SCAMP1: variants seen among roughly 807,000 people sequenced by gnomAD.
SCAMP1 encodes secretory carrier-associated membrane protein 1.
SCAMP1 carries 15 observed loss-of-function variants against 41.8 expected under a neutral mutation model. The observed-to-expected ratio is 0.36, with a 90% CI of 0.24 to 0.55. The LOEUF is 0.55. Among genes scored for constraint, SCAMP1 ranks in the 20% least tolerant of loss-of-function variants. The pLI is 0.86. For synonymous variants in SCAMP1, 135 were observed against 136.8 expected (o/e 0.99, Z 0.09); for missense variants, 341 against 412.6 (o/e 0.83, Z 1.50).
At position 78,479,797 on chromosome 5, in the gene SCAMP1, C is replaced by G. The variant is rs561042616; in HGVS notation, c.*4129C>G. ...GTGGCTCACGCCTGTAATCCCAGCA[C>G]TTTGGGAGGCCAAGGTGGGCGGATC... On this transcript the variant is annotated 3_prime_UTR_variant, in exon 9 of 9. Coordinates refer to ENST00000621999, the MANE Select transcript of SCAMP1 (RefSeq NM_004866.6). Among the ~76,000 whole-genome samples the G allele has an allele frequency of 6.6e-6, 1 of 152,154 alleles. No homozygotes were observed. The highest frequency in any genetic ancestry group is 1.5e-5 in the Non-Finnish European group (1 of 68,020).
At chr5:78,422,492 A>G (rs983164682) in intron 6 of SCAMP1, among the ~76,000 whole-genome samples, 1 of 152,140 alleles carries the variant, frequency 6.6e-6, no homozygotes, top group Admixed American at 6.5e-5. Context: ...AATGCTTTAC[A>G]TAGTATATTT....
intron 1 of SCAMP1, among the ~76,000 whole-genome samples, chr5:78,365,698 C>T (rs897860737): frequency 2.6e-5 from 4 of 152,066 alleles, no homozygotes; most frequent in African/African-American, 4.8e-5. Context: ...TTTCACAACA[C>T]GTAGTTCCTC....
rs150371662 is a variant in SCAMP1 at position 78,383,267 on chromosome 5, G to A, written c.58-5570G>A. On this transcript the variant is annotated intron_variant, in intron 1 of 8. Coordinates refer to ENST00000621999, the MANE Select transcript of SCAMP1 (RefSeq NM_004866.6). ...TAATAATTGTCTATTCATGTCCTTA[G>A]CCCACTTTTTGATGGGATTGTTTTT... 5.3e-5 allele frequency among the ~76,000 whole-genome samples: 8 copies of A among 152,036 alleles called. No homozygotes were observed. In the East Asian group the frequency reaches 1.4e-3, roughly 26 times the overall value.
At chr5:78,391,136 T>C (rs1292757256) in intron 2 of SCAMP1, among the ~76,000 whole-genome samples, 151 of 147,506 alleles carry the variant, frequency 1.0e-3, no homozygotes, top group Non-Finnish European at 1.2e-3. Flanking sequence ...ACCGCCATTG[T>C]CATCATGGCC....
Position 78,418,757 on chromosome 5 carries a change from T to TC in SCAMP1, c.344-17dup. On this transcript the variant is annotated splice_polypyrimidine_tract_variant and intron_variant, in intron 4 of 8. Coordinates refer to ENST00000621999, the MANE Select transcript of SCAMP1 (RefSeq NM_004866.6). ...TATAATATAAATAACCTTTTCTTTT[T>TC]CTAAAAAAAATTTACAGGTAGAAAA... 1.4e-6 allele frequency: 2 copies of TC among 1,443,640 alleles called. No homozygotes were observed. The highest frequency in any genetic ancestry group is 1.9e-6 in the Non-Finnish European group (2 of 1,072,948). The allele number at this position is 1,443,640 out of a possible 1,614,324, so 89.4% of individuals were successfully genotyped here. A position where few individuals can be genotyped will look rare whatever the true frequency, so the allele number is the denominator to read the frequency against.
Position 78,480,173 on chromosome 5 carries a change from C to T in SCAMP1, c.*4505C>T, listed in dbSNP as rs1754108322. ...TTTGTCCAAATCCTGATTTATTTTT[C>T]AGTTCATATCTTTCTGGGCTTGACA... On this transcript the variant is annotated 3_prime_UTR_variant, in exon 9 of 9. Coordinates refer to ENST00000621999, the MANE Select transcript of SCAMP1 (RefSeq NM_004866.6). Among the ~76,000 whole-genome samples the T allele has an allele frequency of 6.6e-6, 1 of 152,080 alleles. No individual in the cohort carries two copies. The highest frequency in any genetic ancestry group is 6.5e-5 in the Admixed American group (1 of 15,274).
rs1754114809 is a variant in SCAMP1 at position 78,480,435 on chromosome 5, A to G, written c.*4767A>G. Among the ~76,000 whole-genome samples, 1 of 152,210 alleles carries G rather than the reference A, an allele frequency of 6.6e-6. No individual in the cohort carries two copies. The highest frequency in any genetic ancestry group is 2.1e-4 in the South Asian group (1 of 4,834). ...TTCTAGAATTCCTCCACAACTTTTAATATTTTGTATGCCAGTGATTCTCAA... is the reference window on the plus strand; with the variant it reads ...TTCTAGAATTCCTCCACAACTTTTAGTATTTTGTATGCCAGTGATTCTCAA... On this transcript the variant is annotated 3_prime_UTR_variant, in exon 9 of 9. Coordinates refer to ENST00000621999, the MANE Select transcript of SCAMP1 (RefSeq NM_004866.6).
chr5:78,447,127 A>G (rs1033764753), intron 6 of SCAMP1, among the ~76,000 whole-genome samples: 2 of 152,240 alleles, frequency 1.3e-5, no homozygotes, highest in African/African-American at 4.8e-5. Context: ...ATACCTGATG[A>G]TCTGAGATAG....
intron 8 of SCAMP1, among the ~76,000 whole-genome samples, chr5:78,472,788 A>C (rs1341409015): frequency 1.3e-5 from 2 of 152,170 alleles, no homozygotes; most frequent in Non-Finnish European, 2.9e-5. Flanking sequence ...GCCCATGAAC[A>C]CATAGTATCA....
At chr5:78,387,080 G>A (rs919372883) in intron 1 of SCAMP1, among the ~76,000 whole-genome samples, 13 of 151,936 alleles carry the variant, frequency 8.6e-5, no homozygotes, top group African/African-American at 2.7e-4. Context: ...CTTCTTCCTC[G>A]AGAACAATTA....
chr5:78,404,681 C>T (rs892088846), intron 2 of SCAMP1, among the ~76,000 whole-genome samples: 1 of 152,052 alleles, frequency 6.6e-6, no homozygotes, highest in Non-Finnish European at 1.5e-5. Flanking sequence ...TTGGGTATTT[C>T]CCTTCCCCCA....
intron 2 of SCAMP1, among the ~76,000 whole-genome samples, chr5:78,389,763 G>A (rs1402889949): frequency 6.6e-6 from 1 of 151,356 alleles, no homozygotes; most frequent in Non-Finnish European, 1.5e-5. Flanking sequence ...ACCTAGATTT[G>A]AAAACTGTTG....
chr5:78,394,702 C>A (rs1328560417), intron 2 of SCAMP1, among the ~76,000 whole-genome samples: 4 of 152,068 alleles, frequency 2.6e-5, no homozygotes, highest in Non-Finnish European at 5.9e-5. Context: ...TTTCTCTTTG[C>A]CTTCTGCTTC....
chr5:78,416,676 A>C, intron 4 of SCAMP1, 27 bp downstream of exon 4: 2 of 1,515,716 alleles, frequency 1.3e-6, no homozygotes, highest in South Asian at 1.2e-5. Flanking sequence ...TTTGAAATAA[A>C]AATAACTTTT....
chr5:78,428,031 A>G (rs1239403489), intron 6 of SCAMP1, among the ~76,000 whole-genome samples: 2 of 152,172 alleles, frequency 1.3e-5, no homozygotes, highest in Non-Finnish European at 2.9e-5. Flanking sequence ...AGAAGCACAA[A>G]AACATTCAAT....
intron 2 of SCAMP1, among the ~76,000 whole-genome samples, chr5:78,391,705 A>G (rs1751510435): frequency 6.6e-6 from 1 of 152,218 alleles, no homozygotes; most frequent in Non-Finnish European, 1.5e-5. Context: ...ACCGCACTCC[A>G]GCCTGGGCGC....
At chr5:78,403,205 T>C (rs1329729577) in intron 2 of SCAMP1, among the ~76,000 whole-genome samples, 4 of 152,154 alleles carry the variant, frequency 2.6e-5, no homozygotes, top group African/African-American at 9.7e-5. Flanking sequence ...TTTATATGAT[T>C]ATAATTTATC....
chr5:78,423,035 CACACACACACACACACAG>C (rs1752380572), intron 6 of SCAMP1, among the ~76,000 whole-genome samples: 1 of 131,404 alleles, frequency 7.6e-6, no homozygotes, highest in South Asian at 2.4e-4. Flanking sequence ...CACACACACA[CACACACACACACACACAG>C]AGTTAGAAAC....
chr5:78,393,249 T>C (rs6860201), intron 2 of SCAMP1, among the ~76,000 whole-genome samples: 69,344 of 152,062 alleles, frequency 0.46, 16,633 homozygotes, highest in Non-Finnish European at 0.51. Context: ...CAGTCGTTGC[T>C]CATTGCAGCC....
Sources: allele counts gnomAD v4.1 joint callset (sites outside exome capture counted in the v4.1 genomes callset), GRCh38; gene constraint gnomAD v4.1.1; transcripts MANE v1.5; gene names NCBI Gene and HGNC (gene_info 2026-07-23, HGNC 2026-07-21).